ITGA1: variants seen among roughly 807,000 people sequenced by gnomAD.
ITGA1 encodes integrin subunit alpha 1.
Under a neutral mutation model 145.9 loss-of-function variants are expected in ITGA1, and 85 were observed. The ratio of observed to expected loss-of-function variants is 0.58; its 90% CI spans 0.49 to 0.70. The LOEUF is 0.70. Among genes scored for constraint, ITGA1 ranks in the 30% least tolerant of loss-of-function variants. ITGA1 has a pLI of 0.00. For missense variants in ITGA1, 1,351 were observed against 1,418.7 expected, an observed-to-expected ratio of 0.95 and a Z score of 0.77; for synonymous variants, 520 against 495.3, an observed-to-expected ratio of 1.05 and a Z score of -0.66.
At position 52,865,417 on chromosome 5, in the gene ITGA1, A is replaced by T. The variant is rs549830380; in HGVS notation, c.497-273A>T. Among the ~76,000 whole-genome samples, 43 of 152,378 alleles carry T rather than the reference A, an allele frequency of 2.8e-4. No individual in the cohort carries two copies. In the South Asian group the frequency reaches 8.3e-3, roughly 29 times the overall value. ...TTTTATAAAAACTTATATAAAATTC[A>T]TATTGAGAAAATTTGCAAAGATAAC... On this transcript the variant is annotated intron_variant, in intron 5 of 28. Coordinates refer to ENST00000282588, the MANE Select transcript of ITGA1 (RefSeq NM_181501.2).
chr5:52,800,055 C>G, intron 1 of ITGA1: 1 of 319,138 alleles, frequency 3.1e-6, no homozygotes, highest in South Asian at 3.3e-5. Flanking sequence ...GGACGGGAGA[C>G]GTGCGTCGGG....
intron 22 of ITGA1, chr5:52,932,939 T>C (rs66556395): frequency 6.6e-6 from 1 of 151,916 alleles, no homozygotes; most frequent in Non-Finnish European, 1.5e-5. Flanking sequence ...CAAGGTTATA[T>C]ATTCAGGAAG....
At chr5:52,940,376 A>C (rs998101336) in intron 26 of ITGA1, among the ~76,000 whole-genome samples, 2 of 151,402 alleles carry the variant, frequency 1.3e-5, no homozygotes, top group Non-Finnish European at 1.5e-5. Flanking sequence ...TATATGTATA[A>C]TTTTATAATA....
intron 1 of ITGA1, among the ~76,000 whole-genome samples, chr5:52,813,759 T>TA (rs2111690031): frequency 6.6e-6 from 1 of 152,306 alleles, no homozygotes; most frequent in African/African-American, 2.4e-5. Flanking sequence ...TATGCCTACA[T>TA]CTCCTCCTCT....
intron 9 of ITGA1, among the ~76,000 whole-genome samples, chr5:52,896,509 T>G (rs1461231802): frequency 6.6e-6 from 1 of 152,220 alleles, no homozygotes; most frequent in Non-Finnish European, 1.5e-5. Context: ...ACTGATGTAT[T>G]TGTTCACAAT....
intron 6 of ITGA1, among the ~76,000 whole-genome samples, chr5:52,870,970 A>T (rs973765384): frequency 1.6e-4 from 25 of 152,232 alleles, no homozygotes; most frequent in African/African-American, 5.5e-4. Context: ...CAATGCAGTA[A>T]TAATTTCTCT....
intron 24 of ITGA1, among the ~76,000 whole-genome samples, chr5:52,937,972 C>T (rs1454344405): frequency 6.6e-6 from 1 of 152,128 alleles, no homozygotes; most frequent in African/African-American, 2.4e-5. Context: ...TGCACACTCA[C>T]CATTAGATTT....
At position 52,893,695 on chromosome 5, in the gene ITGA1, A is replaced by G. The variant is rs112948643; in HGVS notation, c.945A>G (p.Arg315=). Residue 315 remains arginine (R), a synonymous_variant, in exon 9 of 29, where the codon CGA becomes CGG. Coordinates refer to ENST00000282588, the MANE Select transcript of ITGA1 (RefSeq NM_181501.2). The part of the protein sequence containing the change: ...FSIAILGSYN[R]GNLSTEKFVE... Reference sequence around the variant, plus strand: ...CTTAGATTCTTGGCAGCTATAACCGAGGAAATTTAAGCACTGAAAAATTTG... The same window carrying G: ...CTTAGATTCTTGGCAGCTATAACCGGGGAAATTTAAGCACTGAAAAATTTG... 4.3e-6 allele frequency: 7 copies of G among 1,612,654 alleles called. No individual in the cohort carries two copies. Among genetic ancestry groups the G allele is most frequent in the Non-Finnish European group, 5.9e-6 (7 of 1,179,208 alleles).
chr5:52,941,939 G>C (rs1751059552), intron 26 of ITGA1, among the ~76,000 whole-genome samples: 1 of 151,950 alleles, frequency 6.6e-6, no homozygotes, highest in African/African-American at 2.4e-5. Context: ...AATTTGTCTT[G>C]GTTAGTTTTT....
rs1748847643 is a variant in ITGA1, at chr5:52,819,978, G to A, written c.62-29387G>A. Reference sequence around the variant, plus strand: ...GTTAGATATGTGGCATTATTTCTGAGGCCTCTGTTCTGTTCCATTGGTCTA... The same window carrying A: ...GTTAGATATGTGGCATTATTTCTGAAGCCTCTGTTCTGTTCCATTGGTCTA... On this transcript the variant is annotated intron_variant, in intron 1 of 28. Transcript: ENST00000282588. 1.3e-5 allele frequency among the ~76,000 whole-genome samples: 2 copies of A among 152,020 alleles called. 1 individual carries two copies. The highest frequency in any genetic ancestry group is 4.2e-4 in the South Asian group (2 of 4,814).
intron 1 of ITGA1, chr5:52,801,004 T>G: frequency 6.2e-7 from 1 of 1,614,160 alleles, no homozygotes; most frequent in Non-Finnish European, 8.5e-7. Flanking sequence ...TGTTGTAAAG[T>G]GCATCCTGGT....
At chr5:52,835,245 A>T (rs1339744820) in intron 1 of ITGA1, among the ~76,000 whole-genome samples, 1 of 152,218 alleles carries the variant, frequency 6.6e-6, no homozygotes, top group Non-Finnish European at 1.5e-5. Flanking sequence ...GTTGAGAATG[A>T]GAATATAAGT....
intron 11 of ITGA1, among the ~76,000 whole-genome samples, chr5:52,899,291 A>G (rs1750278848): frequency 6.6e-6 from 1 of 152,026 alleles, no homozygotes. Flanking sequence ...GTTGCTTTCT[A>G]TTTTATCAGG....
intron 18 of ITGA1, 105 bp downstream of exon 18, chr5:52,922,992 C>A: frequency 1.6e-6 from 1 of 645,112 alleles, no homozygotes; most frequent in Non-Finnish European, 2.7e-6. Flanking sequence ...AAAGAACGAA[C>A]AACTAACTGG....
At position 52,798,908 on chromosome 5, in the gene ITGA1, A is replaced by G. The variant is rs189342006; in HGVS notation, c.61+10494A>G. Among the ~76,000 whole-genome samples, 478 of 152,306 alleles carry G rather than the reference A, an allele frequency of 3.1e-3. 2 individuals carry two copies. The highest frequency in any genetic ancestry group is 5.3e-3 in the Non-Finnish European group (360 of 68,014). On this transcript the variant is annotated intron_variant, in intron 1 of 28. Coordinates refer to ENST00000282588, the MANE Select transcript of ITGA1 (RefSeq NM_181501.2). ...TTCATCTGGTAGCCATCTCATTTAA[A>G]AACCAAGAGGCAAGGCAGTTTTGCG... is the stretch of plus-strand genomic sequence containing the variant.
At chr5:52,800,230 T>A (rs1184969458) in intron 1 of ITGA1, 3 of 658,422 alleles carry the variant, frequency 4.6e-6, no homozygotes, top group African/African-American at 3.6e-5. Context: ...AGTGCTGCCC[T>A]AGGCTGCATG....
At chr5:52,907,721 G>A (rs1277181194) in intron 12 of ITGA1, among the ~76,000 whole-genome samples, 1 of 152,108 alleles carries the variant, frequency 6.6e-6, no homozygotes, top group Non-Finnish European at 1.5e-5. Context: ...AAAGCTGCTG[G>A]GCAAAAAAAC....
intron 1 of ITGA1, chr5:52,800,514 C>G: frequency 6.2e-7 from 1 of 1,613,994 alleles, no homozygotes; most frequent in Admixed American, 1.7e-5. Flanking sequence ...ACAGCCTGCG[C>G]GCCTCCACCA....
At chr5:52,913,898 T>C (rs1303678607) in intron 14 of ITGA1, among the ~76,000 whole-genome samples, 1 of 152,176 alleles carries the variant, frequency 6.6e-6, no homozygotes, top group African/African-American at 2.4e-5. Flanking sequence ...TTTGTTTCTG[T>C]TGAAAATCTT....
Sources: gnomAD v4.1 joint callset for allele counts (sites outside exome capture counted in the v4.1 genomes callset) on GRCh38, gnomAD v4.1.1 for gene constraint, MANE v1.5 for transcripts, NCBI Gene and HGNC (gene_info 2026-07-23, HGNC 2026-07-21) for gene names.